Variants in PRKACB observed in about 807,000 individuals in gnomAD.
The protein encoded by PRKACB is cAMP-dependent protein kinase catalytic subunit beta.
Under a neutral mutation model 51.4 loss-of-function variants are expected in PRKACB, and 16 were observed. The ratio of observed to expected loss-of-function variants is 0.31; its 90% CI spans 0.21 to 0.47. The LOEUF is 0.47. Among genes scored for constraint, PRKACB ranks in the 20% least tolerant of loss-of-function variants. PRKACB has a pLI of 1.00. For synonymous variants in PRKACB, 147 were observed against 154.4 expected (o/e 0.95, Z 0.35); for missense variants, 309 against 464.5 (o/e 0.67, Z 3.08).
intron 5 of PRKACB, among the ~76,000 whole-genome samples, chr1:84,192,907 C>T (rs958867459): frequency 3.3e-5 from 5 of 152,066 alleles, no homozygotes; most frequent in South Asian, 4.1e-4. Flanking sequence ...ATGCCAAATA[C>T]GTAAGAGCCA....
chr1:84,124,480 G>GA (rs1194261973), intron 1 of PRKACB, among the ~76,000 whole-genome samples: 5 of 152,312 alleles, frequency 3.3e-5, no homozygotes, highest in Admixed American at 6.5e-5. Context: ...TCTGAATGGT[G>GA]AAAATTGGGT....
chr1:84,186,654 TC>T (rs1293390498), intron 5 of PRKACB, among the ~76,000 whole-genome samples: 1 of 152,178 alleles, frequency 6.6e-6, no homozygotes, highest in East Asian at 1.9e-4. Flanking sequence ...TCAAGATCTT[TC>T]TCTGAAAGCA....
intron 5 of PRKACB, among the ~76,000 whole-genome samples, chr1:84,187,822 G>A (rs924355376): frequency 1.3e-5 from 2 of 152,050 alleles, no homozygotes; most frequent in African/African-American, 4.8e-5. Flanking sequence ...CAAGGAAGCC[G>A]AACCAAGGCA....
At chr1:84,085,501 A>G (rs145027975) in intron 1 of PRKACB, among the ~76,000 whole-genome samples, 1 of 152,334 alleles carries the variant, frequency 6.6e-6, no homozygotes, top group Non-Finnish European at 1.5e-5. Flanking sequence ...CTTCTATTAT[A>G]TTTATTAAAA....
chr1:84,213,930 G>A (rs1483070444), intron 8 of PRKACB, among the ~76,000 whole-genome samples: 1 of 152,150 alleles, frequency 6.6e-6, no homozygotes, highest in Non-Finnish European at 1.5e-5. Context: ...CATAACCAAA[G>A]CAAGGCCCTA....
At chr1:84,128,965 G>A (rs969510025) in intron 1 of PRKACB, among the ~76,000 whole-genome samples, 6 of 152,112 alleles carry the variant, frequency 3.9e-5, no homozygotes, top group East Asian at 1.9e-4. Flanking sequence ...TTTAATTTAC[G>A]TAACCATGTG....
intron 1 of PRKACB, among the ~76,000 whole-genome samples, chr1:84,080,928 T>C (rs1647482761): frequency 6.6e-6 from 1 of 152,162 alleles, no homozygotes; most frequent in African/African-American, 2.4e-5. Context: ...TGTTTTAGTT[T>C]CAATTAAAGA....
chr1:84,149,776 A>C (rs1170948657), intron 1 of PRKACB, among the ~76,000 whole-genome samples: 1 of 152,074 alleles, frequency 6.6e-6, no homozygotes, highest in Non-Finnish European at 1.5e-5. Flanking sequence ...ATTTAGGATT[A>C]TTTTTATATT....
At chr1:84,232,581 T>C (rs1306511306) in intron 9 of PRKACB, among the ~76,000 whole-genome samples, 2 of 152,186 alleles carry the variant, frequency 1.3e-5, no homozygotes, top group African/African-American at 4.8e-5. Flanking sequence ...ACTTGCTTTA[T>C]GAATCTGGGT....
chr1:84,137,349 A>G (rs1040783302), intron 1 of PRKACB, among the ~76,000 whole-genome samples: 3 of 152,232 alleles, frequency 2.0e-5, no homozygotes, highest in African/African-American at 7.2e-5. Flanking sequence ...GGAAAAGGCA[A>G]AACTCACCAG....
chr1:84,104,536 T>G (rs376211731), intron 1 of PRKACB, among the ~76,000 whole-genome samples: 164 of 152,244 alleles, frequency 1.1e-3, no homozygotes, highest in African/African-American at 3.8e-3. Context: ...CTATTTTTAG[T>G]TTTTTGAGGA....
At chr1:84,187,754 A>C (rs1665602913) in intron 5 of PRKACB, among the ~76,000 whole-genome samples, 1 of 152,162 alleles carries the variant, frequency 6.6e-6, no homozygotes, top group African/African-American at 2.4e-5. Context: ...TTCTTTAGAA[A>C]AAACTTTTTT....
intron 1 of PRKACB, among the ~76,000 whole-genome samples, chr1:84,145,705 G>A (rs1653965160): frequency 6.6e-6 from 1 of 151,934 alleles, no homozygotes; most frequent in African/African-American, 2.4e-5. Flanking sequence ...GATGGATGAG[G>A]AATATGAATA....
intron 1 of PRKACB, among the ~76,000 whole-genome samples, chr1:84,150,241 G>C (rs2100635903): frequency 6.6e-6 from 1 of 152,226 alleles, no homozygotes; most frequent in Non-Finnish European, 1.5e-5. Flanking sequence ...TTGCACCACT[G>C]CAGTCCAGCC....
intron 1 of PRKACB, among the ~76,000 whole-genome samples, chr1:84,109,350 G>A (rs1650030184): frequency 6.6e-6 from 1 of 151,842 alleles, no homozygotes; most frequent in Non-Finnish European, 1.5e-5. Context: ...CATTGCATGA[G>A]GGTTCTCATT....
Position 84,079,509 on chromosome 1 carries a change from A to G in PRKACB, c.46+1138A>G, listed in dbSNP as rs540202336. Among the ~76,000 whole-genome samples the G allele has an allele frequency of 3.9e-5, 6 of 152,344 alleles. No homozygotes were observed. The South Asian group carries it at 1.2e-3, about 32-fold the overall frequency. On this transcript the variant is annotated intron_variant, in intron 1 of 8. Coordinates refer to the PRKACB transcript ENST00000370688. ...TAGTCATTCATTTTGTTTAACATAA[A>G]TATATCAGATTATGTGGTTTATGTT...
intron 1 of PRKACB, 195 bp from the exon 2 acceptor site, chr1:84,178,982 A>C: frequency 2.0e-6 from 1 of 493,730 alleles, no homozygotes; most frequent in Non-Finnish European, 3.2e-6. Flanking sequence ...ACAATATTAG[A>C]GAATCTTAGA....
chr1:84,186,529 G>A (rs527903808), intron 5 of PRKACB, among the ~76,000 whole-genome samples: 27 of 152,020 alleles, frequency 1.8e-4, no homozygotes, highest in African/African-American at 6.5e-4. Flanking sequence ...TTAATTCTTG[G>A]AGCAGGTGCT....
chr1:84,087,562 ATT>A, intron 1 of PRKACB, among the ~76,000 whole-genome samples: 1 of 152,140 alleles, frequency 6.6e-6, no homozygotes, highest in African/African-American at 2.4e-5. Context: ...ATAATTTTTT[ATT>A]TTTATTTATT....
Sources: gnomAD v4.1 joint callset for allele counts (sites outside exome capture counted in the v4.1 genomes callset) on GRCh38, gnomAD v4.1.1 for gene constraint, MANE v1.5 for transcripts, NCBI Gene and HGNC (gene_info 2026-07-23, HGNC 2026-07-21) for gene names.